Variants in ACVR1B observed in about 807,000 individuals in gnomAD.
ACVR1B encodes the protein activin receptor type-1B.
In ACVR1B, 15 loss-of-function variants were observed where a neutral mutation model predicts 55.6. The ratio of observed to expected loss-of-function variants is 0.27; its 90% CI spans 0.18 to 0.42. The LOEUF is 0.42. ACVR1B is among the 10% of genes least tolerant of loss of function. The pLI is 1.00. For synonymous variants in ACVR1B, 247 were observed against 254.6 expected (o/e 0.97, Z 0.28); for missense variants, 359 against 670.1 (o/e 0.54, Z 5.13).
intron 1 of ACVR1B, among the ~76,000 whole-genome samples, chr12:51,974,648 G>T (rs185083205): frequency 7.2e-4 from 109 of 152,224 alleles, no homozygotes; most frequent in African/African-American, 2.6e-3. Context: ...CATGAGGGAG[G>T]CTCTCAAGTT....
intron 6 of ACVR1B, 106 bp downstream of exon 6, chr12:51,985,454 A>G (rs34437092): frequency 0.24 from 327,125 of 1,347,984 alleles, 43,111 homozygotes; most frequent in Admixed American, 0.54. Context: ...AAAGGAGGCG[A>G]GGACCTTGCT....
chr12:51,952,991 A>G (rs56966197), intron 1 of ACVR1B, among the ~76,000 whole-genome samples: 9 of 152,192 alleles, frequency 5.9e-5, no homozygotes, highest in Non-Finnish European at 1.2e-4. Flanking sequence ...AAAATATTTC[A>G]TTTAAGAGAG....
At position 51,976,711 on chromosome 12, in the gene ACVR1B, CTTCTTTTGGAGTCTGACGT is replaced by C. The variant is rs891941000; in HGVS notation, c.580+137_580+155del. 288 of 1,133,244 alleles carry C rather than the reference CTTCTTTTGGAGTCTGACGT, an allele frequency of 2.5e-4. No individual in the cohort carries two copies. In the African/African-American group the frequency reaches 3.8e-3, roughly 15 times the overall value. 70.2% of individuals were successfully genotyped at this position (1,133,244 alleles called of 1,614,324 possible). A position where few individuals can be genotyped will look rare whatever the true frequency, so the allele number is the denominator to read the frequency against. ...TGAGTCATTTGGTTTCCTAGTTCCCCTTCTTTTGGAGTCTGACGTGTAATAAGATAAGATAATGGGTTCA... is the reference window on the plus strand; with the variant it reads ...TGAGTCATTTGGTTTCCTAGTTCCCCGTAATAAGATAAGATAATGGGTTCA... On this transcript the variant is annotated intron_variant, in intron 3 of 8. Coordinates refer to ENST00000257963, the MANE Select transcript of ACVR1B (RefSeq NM_004302.5).
At chr12:51,992,987 AT>A (rs781612503) in intron 8 of ACVR1B, among the ~76,000 whole-genome samples, 1 of 152,048 alleles carries the variant, frequency 6.6e-6, no homozygotes, top group Non-Finnish European at 1.5e-5. Context: ...CCTTTTACTT[AT>A]TTTTTTCCCA....
chr12:51,978,703 G>A (rs1167006389), intron 3 of ACVR1B, among the ~76,000 whole-genome samples: 2 of 144,318 alleles, frequency 1.4e-5, no homozygotes, highest in Non-Finnish European at 3.1e-5. Context: ...TGGTGGCGGC[G>A]CCTGTAGTCC....
intron 1 of ACVR1B, among the ~76,000 whole-genome samples, chr12:51,974,724 G>A (rs937055301): frequency 1.6e-4 from 24 of 152,172 alleles, no homozygotes; most frequent in African/African-American, 4.8e-4. Context: ...ACTTCTAAAG[G>A]CAGGAGGACA....
chr12:51,982,705 A>T, intron 4 of ACVR1B: 1 of 1,532,162 alleles, frequency 6.5e-7, no homozygotes, highest in Non-Finnish European at 8.7e-7. Flanking sequence ...CATTCCTCAC[A>T]TTGCCATGGG....
intron 1 of ACVR1B, among the ~76,000 whole-genome samples, chr12:51,972,462 A>G (rs1565615012): frequency 6.6e-6 from 1 of 152,208 alleles, no homozygotes; most frequent in Non-Finnish European, 1.5e-5. Flanking sequence ...TACATACTGT[A>G]CAGGTTTCTA....
intron 1 of ACVR1B, among the ~76,000 whole-genome samples, chr12:51,967,565 C>T (rs1019929820): frequency 1.8e-4 from 27 of 152,036 alleles, no homozygotes; most frequent in Non-Finnish European, 3.7e-4. Flanking sequence ...GTCTTAAAAA[C>T]AAAAACAAAC....
chr12:51,978,602 G>A (rs991747938), intron 3 of ACVR1B, among the ~76,000 whole-genome samples: 2 of 152,252 alleles, frequency 1.3e-5, no homozygotes, highest in Non-Finnish European at 2.9e-5. Flanking sequence ...GGCTGAGGTG[G>A]GTGGATCATG....
chr12:51,953,830 TA>T (rs1055226035), intron 1 of ACVR1B, among the ~76,000 whole-genome samples: 76 of 152,316 alleles, frequency 5.0e-4, no homozygotes, highest in African/African-American at 1.8e-3. Context: ...CATTTTTTTG[TA>T]ACCTTCCTAA....
At position 51,981,132 on chromosome 12, in the gene ACVR1B, A is replaced by G. The variant is rs766759238; in HGVS notation, c.744A>G (p.Ala248=). 6.2e-7 allele frequency: 1 copy of G among 1,614,234 alleles called. No homozygotes were observed. The highest frequency in any genetic ancestry group is 8.5e-7 in the Non-Finnish European group (1 of 1,180,044). Reference sequence around the variant, plus strand: ...AAGAACGGTCTTGGTTCAGGGAAGCAGAGATATACCAGACGGTCATGCTGC... The same window carrying G: ...AAGAACGGTCTTGGTTCAGGGAAGCGGAGATATACCAGACGGTCATGCTGC... ...SREERSWFRE[A]EIYQTVMLRH... Residue 248 remains alanine (A), a synonymous_variant, in exon 4 of 9, where the codon GCA becomes GCG. Coordinates refer to ENST00000257963, the MANE Select transcript of ACVR1B (RefSeq NM_004302.5).
At chr12:51,984,956 C>T (rs1007686544) in intron 5 of ACVR1B, among the ~76,000 whole-genome samples, 2 of 152,138 alleles carry the variant, frequency 1.3e-5, no homozygotes, top group African/African-American at 4.8e-5. Flanking sequence ...CTTCTATGGT[C>T]GTAACTTAGC....
chr12:51,985,149 T>C lies in ACVR1B; in HGVS notation c.980-43T>C, dbSNP rs74093024. On this transcript the variant is annotated intron_variant, in intron 5 of 8. Transcript: ENST00000257963. ...CTGCATAGTCTATGCTTTTAACATT[T>C]ATATCATCTCTTTGTAAAGATCCCT... 8.0e-4 allele frequency: 1,249 copies of C among 1,569,594 alleles called. 6 individuals carry two copies. In the African/African-American group the frequency reaches 0.015, roughly 19 times the overall value.
rs970300740 is a variant in ACVR1B, at chr12:51,994,488, G to A, written c.*378G>A. The A allele has an allele frequency of 2.3e-5, 5 of 218,266 alleles. No homozygotes were observed. Among genetic ancestry groups the A allele is most frequent in the African/African-American group, 1.2e-4 (5 of 43,028 alleles). The allele number at this position is 218,266 out of a possible 1,614,324, so 13.5% of individuals were successfully genotyped here. A position where few individuals can be genotyped will look rare whatever the true frequency, so the allele number is the denominator to read the frequency against. On this transcript the variant is annotated 3_prime_UTR_variant, in exon 9 of 9. Transcript: ENST00000257963. The surrounding 1 kb of genome is among the most constrained non-coding windows in gnomAD (Gnocchi z 4.2). ...GGTGTTGCCAGTGCTAAGCTGCCCT[G>A]AGGGTTTCCTTCGGGGACCAGCCCA...
intron 1 of ACVR1B, among the ~76,000 whole-genome samples, chr12:51,954,175 G>A (rs1180723476): frequency 6.6e-6 from 1 of 152,178 alleles, no homozygotes; most frequent in African/African-American, 2.4e-5. Flanking sequence ...CAGCTCTGAT[G>A]CCTGATACTT....
intron 2 of ACVR1B, 65 bp from the exon 3 acceptor site, chr12:51,976,262 G>A: frequency 2.5e-6 from 4 of 1,582,358 alleles, no homozygotes; most frequent in East Asian, 2.2e-5. Context: ...TTTGAGGGGG[G>A]TGTTTTTACT....
At chr12:51,956,903 G>T (rs1044857685) in intron 1 of ACVR1B, among the ~76,000 whole-genome samples, 2 of 151,844 alleles carry the variant, frequency 1.3e-5, no homozygotes, top group African/African-American at 4.8e-5. Flanking sequence ...GAGACCTCAG[G>T]TGTACACCAC....
chr12:51,952,242 C>G (rs1476813473), intron 1 of ACVR1B, among the ~76,000 whole-genome samples: 1 of 152,106 alleles, frequency 6.6e-6, no homozygotes, highest in Non-Finnish European at 1.5e-5. Context: ...TGGGGGGCGT[C>G]TTTCTCCCGC....
Sources: gnomAD v4.1 joint callset for allele counts (sites outside exome capture counted in the v4.1 genomes callset) on GRCh38, gnomAD v4.1.1 for gene constraint, Gnocchi (gnomAD v3.1) non-coding constraint, MANE v1.5 for transcripts, NCBI Gene and HGNC (gene_info 2026-07-23, HGNC 2026-07-21) for gene names.